Variants in NIPAL3 observed in about 807,000 individuals in gnomAD.
The protein encoded by NIPAL3 is NIPA-like protein 3.
A neutral mutation model predicts 47.2 loss-of-function variants in NIPAL3; 41 were observed. The ratio of observed to expected loss-of-function variants is 0.87; its 90% CI spans 0.68 to 1.13. The LOEUF (loss-of-function observed/expected upper bound fraction) is 1.13, where lower values mean the gene tolerates loss of function less well. Ranked by LOEUF, NIPAL3 falls within the 50% of genes most tolerant of loss-of-function variation. The pLI is 0.00. For missense variants in NIPAL3, 449 were observed against 530.1 expected (o/e 0.85, Z 1.50); for synonymous variants, 194 against 209.6 (o/e 0.93, Z 0.64).
At position 24,469,156 on chromosome 1, in the gene NIPAL3, C is replaced by T. The variant is rs768895500; in HGVS notation, c.1192C>T (p.Arg398Ter). ...CAGAAGTGCCTCTGGGGTCCCCTAC[C>T]GAGTCCTAGAGCACACCAAGAAGGA... ...GSRSASGVPY[R>*]VLEHTKKE The change falls in exon 12 of 12, where the codon CGA (arginine) becomes TGA (stop). Residue 398 changes from arginine (R) to a stop codon, truncating the protein, a stop_gained. Coordinates refer to ENST00000374399, the MANE Select transcript of NIPAL3 (RefSeq NM_020448.5). LOFTEE classifies it high-confidence loss of function. The T allele has an allele frequency of 1.7e-5, 27 of 1,613,844 alleles. No individual in the cohort carries two copies. The highest frequency in any genetic ancestry group is 4.5e-5 in the East Asian group (2 of 44,884).
rs1033752930 is a variant in NIPAL3, at chr1:24,440,251, G to A, written c.162+11G>A. On this transcript the variant is annotated intron_variant, in intron 3 of 11. Coordinates refer to ENST00000374399, the MANE Select transcript of NIPAL3 (RefSeq NM_020448.5). Reference sequence around the variant, plus strand: ...GCACTTAACCTCCAGGTAAGTTTCAGTTACCAGCACTGTCTGGGGACAGAG... The same window carrying A: ...GCACTTAACCTCCAGGTAAGTTTCAATTACCAGCACTGTCTGGGGACAGAG... The A allele has an allele frequency of 6.3e-7, 1 of 1,582,856 alleles. No homozygotes were observed. The highest frequency in any genetic ancestry group is 2.3e-5 in the East Asian group (1 of 43,336).
chr1:24,442,281 A>C, intron 4 of NIPAL3, 55 bp downstream of exon 4: 1 of 1,583,884 alleles, frequency 6.3e-7, no homozygotes, highest in East Asian at 2.2e-5. Context: ...GCGTGACCAG[A>C]GTGCCAGCGC....
intron 10 of NIPAL3, among the ~76,000 whole-genome samples, chr1:24,463,803 A>C (rs924695100): frequency 1.2e-4 from 19 of 152,046 alleles, no homozygotes; most frequent in Non-Finnish European, 2.5e-4. Flanking sequence ...GCTCATGGAG[A>C]GTGTAGGGCA....
At position 24,442,220 on chromosome 1, in the gene NIPAL3, G is replaced by T; in HGVS notation, c.328G>T (p.Val110Leu). 1 of 1,613,828 alleles carries T rather than the reference G, an allele frequency of 6.2e-7. No homozygotes were observed. Among genetic ancestry groups the T allele is most frequent in the African/African-American group, 1.3e-5 (1 of 75,044 alleles). ...SLIVPLSAVS[V>L]IASAIIGIIF... is the part of the protein sequence containing the mutation. ...CATCGTGCCCCTCAGCGCAGTTTCTGTGATAGGTAAGACCAGGGCTGCCCC... is the reference window on the plus strand; with the variant it reads ...CATCGTGCCCCTCAGCGCAGTTTCTTTGATAGGTAAGACCAGGGCTGCCCC... Residue 110 changes from valine to leucine, a missense_variant, in exon 4 of 12, where the codon GTG becomes TTG. By Grantham distance (32) the Val-to-Leu change is conservative. Transcript: ENST00000374399.
chr1:24,425,451 T>C (rs1174197761), intron 2 of NIPAL3, among the ~76,000 whole-genome samples: 1 of 152,266 alleles, frequency 6.6e-6, no homozygotes, highest in Middle Eastern at 3.4e-3. Context: ...TCAAGACAGA[T>C]CTTCCCTGGT....
intron 2 of NIPAL3, among the ~76,000 whole-genome samples, chr1:24,429,581 G>A (rs1047133035): frequency 2.6e-5 from 4 of 152,182 alleles, no homozygotes; most frequent in Non-Finnish European, 5.9e-5. Context: ...ACTCAGAACC[G>A]GAAGAGGTTC....
chr1:24,470,003 A>G lies in NIPAL3; in HGVS notation c.*818A>G, dbSNP rs1471954591. 6.6e-6 allele frequency: 1 copy of G among 152,082 alleles called. No homozygotes were observed. Among genetic ancestry groups the G allele is most frequent in the Non-Finnish European group, 1.5e-5 (1 of 68,034 alleles). 9.4% of individuals were successfully genotyped at this position (152,082 alleles called of 1,614,324 possible). A position where few individuals can be genotyped will look rare whatever the true frequency, so the allele number is the denominator to read the frequency against. On this transcript the variant is annotated 3_prime_UTR_variant, in exon 12 of 12. Transcript: ENST00000374399. ...ACCACTTAAAAAAGGATAGGTAGAA[A>G]ATCTGGCCATTTTATGTGTTATTTT...
intron 11 of NIPAL3, chr1:24,465,325 T>C (rs1646650480): frequency 6.6e-6 from 1 of 152,108 alleles, no homozygotes; most frequent in Admixed American, 6.6e-5. Context: ...GAATTCCAGA[T>C]AGGTGAGGTG....
intron 2 of NIPAL3, among the ~76,000 whole-genome samples, chr1:24,432,252 C>T (rs1007995211): frequency 1.3e-5 from 2 of 152,132 alleles, no homozygotes; most frequent in South Asian, 2.1e-4. Context: ...CTCAGCCTCC[C>T]GAGTAGCTGG....
intron 10 of NIPAL3, among the ~76,000 whole-genome samples, chr1:24,461,371 G>A (rs913533943): frequency 4.6e-5 from 7 of 151,766 alleles, no homozygotes; most frequent in South Asian, 4.1e-4. Context: ...GAGAAACCCC[G>A]TCTGTACTAA....
chr1:24,413,700 G>C (rs1286152583), upstream of NIPAL3: 2 of 152,290 alleles, frequency 1.3e-5, no homozygotes, highest in Non-Finnish European at 2.9e-5. Flanking sequence ...AGCTGAATCT[G>C]GCCAGCCCAA....
chr1:24,447,021 C>A (rs985222442), intron 5 of NIPAL3, among the ~76,000 whole-genome samples: 3 of 152,204 alleles, frequency 2.0e-5, no homozygotes, highest in South Asian at 2.1e-4. Context: ...GTCCAAGTCT[C>A]GGTAAGGCTG....
intron 2 of NIPAL3, among the ~76,000 whole-genome samples, chr1:24,423,234 C>A (rs1644413779): frequency 6.6e-6 from 1 of 152,204 alleles, no homozygotes; most frequent in African/African-American, 2.4e-5. Flanking sequence ...GAGTCTACAC[C>A]ATTTCTAATG....
intron 2 of NIPAL3, among the ~76,000 whole-genome samples, chr1:24,424,412 T>C (rs1644479833): frequency 6.6e-6 from 1 of 152,172 alleles, no homozygotes; most frequent in Admixed American, 6.5e-5. Flanking sequence ...CTAGGCATGC[T>C]GGAAATATGT....
intron 4 of NIPAL3, among the ~76,000 whole-genome samples, chr1:24,444,957 G>C (rs770589130): frequency 3.9e-5 from 6 of 152,190 alleles, no homozygotes; most frequent in Admixed American, 2.0e-4. Flanking sequence ...CACACAGCAG[G>C]TACTCAATGC....
intron 8 of NIPAL3, among the ~76,000 whole-genome samples, chr1:24,458,569 T>G: frequency 6.9e-5 from 10 of 144,680 alleles, no homozygotes; most frequent in South Asian, 2.2e-4. Context: ...TTTAGTGGGG[T>G]GGGGATACGG....
At position 24,442,135 on chromosome 1, in the gene NIPAL3, C is replaced by A; in HGVS notation, c.243C>A (p.Phe81Leu). 1.9e-6 allele frequency: 3 copies of A among 1,614,210 alleles called. No homozygotes were observed. Among genetic ancestry groups the A allele is most frequent in the Non-Finnish European group, 2.5e-6 (3 of 1,180,028 alleles). ...FKTKTWWLGL[F>L]LMLLGELGVF... Reference sequence around the variant, plus strand: ...CCAAGACATGGTGGCTGGGCCTGTTCCTGATGCTTCTGGGCGAGCTGGGTG... The same window carrying A: ...CCAAGACATGGTGGCTGGGCCTGTTACTGATGCTTCTGGGCGAGCTGGGTG... The change falls in exon 4 of 12, where the codon TTC (phenylalanine) becomes TTA (leucine). Residue 81 changes from phenylalanine (F) to leucine (L), a missense_variant. Physicochemically the swap from Phe to Leu is conservative, Grantham distance 22. Transcript: ENST00000374399.
chr1:24,427,495 T>C (rs747988684), intron 2 of NIPAL3, among the ~76,000 whole-genome samples: 1 of 152,238 alleles, frequency 6.6e-6, no homozygotes, highest in Non-Finnish European at 1.5e-5. Flanking sequence ...TCATATGTTA[T>C]GGAAATGGCT....
chr1:24,461,865 CAA>C (rs527764112), intron 10 of NIPAL3, among the ~76,000 whole-genome samples: 7 of 131,572 alleles, frequency 5.3e-5, no homozygotes, highest in Non-Finnish European at 3.3e-5. Context: ...AAGTCTGTCT[CAA>C]AAAAAAAAAA....
Sources: gnomAD v4.1 joint callset for allele counts (sites outside exome capture counted in the v4.1 genomes callset) on GRCh38, gnomAD v4.1.1 for gene constraint, MANE v1.5 for transcripts, NCBI Gene and HGNC (gene_info 2026-07-23, HGNC 2026-07-21) for gene names.